RBFOX1: variants seen among roughly 807,000 people sequenced by gnomAD.
RBFOX1 encodes the protein RNA binding protein fox-1 homolog 1.
A neutral mutation model predicts 57.7 loss-of-function variants in RBFOX1; 8 were observed. That is an observed-to-expected ratio of 0.14 (90% CI 0.08 to 0.25). The LOEUF (loss-of-function observed/expected upper bound fraction) is 0.25, where lower values mean the gene tolerates loss of function less well. Ranked by LOEUF, RBFOX1 falls within the 10% of genes least tolerant of loss-of-function variation. The pLI is 1.00. For missense variants in RBFOX1, 611 were observed against 548.5 expected (o/e 1.11, Z -1.14); for synonymous variants, 326 against 222.4 (o/e 1.47, Z -4.15).
In RBFOX1 at chr16:6,106,283, C is replaced by T. The variant is rs945686231; in HGVS notation, c.-127+86291C>T. ...GACTACCCTGGCCAACATGGCAAAA[C>T]CCCATCTCTAGTAAAAATACAAAAA... On this transcript the variant is annotated intron_variant, in intron 1 of 15. Coordinates refer to ENST00000550418, the MANE Select transcript of RBFOX1 (RefSeq NM_018723.4). Among the ~76,000 whole-genome samples the T allele has an allele frequency of 3.7e-5, 5 of 136,500 alleles. 1 individual carries two copies. The highest frequency in any genetic ancestry group is 2.1e-4 in the East Asian group (1 of 4,860). The allele number at this position is 136,500 out of a possible 152,430, so 89.5% of individuals were successfully genotyped here. A position where few individuals can be genotyped will look rare whatever the true frequency, so the allele number is the denominator to read the frequency against.
intron 3 of RBFOX1, among the ~76,000 whole-genome samples, chr16:6,883,043 C>T (rs1166446618): frequency 1.3e-5 from 2 of 152,128 alleles, no homozygotes; most frequent in Non-Finnish European, 2.9e-5. Context: ...CATATGTCTC[C>T]TGACATTGCT....
intron 2 of RBFOX1, among the ~76,000 whole-genome samples, chr16:6,588,321 C>T (rs939653559): frequency 6.6e-6 from 1 of 151,796 alleles, no homozygotes; most frequent in Admixed American, 6.6e-5. Context: ...ATGCATCGCA[C>T]TTAGTTGTCC....
intron 2 of RBFOX1, among the ~76,000 whole-genome samples, chr16:6,323,848 C>T (rs2082075636): frequency 6.6e-6 from 1 of 152,038 alleles, no homozygotes; most frequent in Non-Finnish European, 1.5e-5. Context: ...TATCTGCTCA[C>T]TGCAACCTAC....
intron 4 of RBFOX1, among the ~76,000 whole-genome samples, chr16:7,378,499 C>G (rs192586440): frequency 5.3e-5 from 8 of 152,114 alleles, no homozygotes; most frequent in Admixed American, 3.3e-4. Context: ...TGTAACATTT[C>G]TGTCTTGGGT....
chr16:7,549,445 C>G (rs1020573613), intron 5 of RBFOX1, among the ~76,000 whole-genome samples: 14 of 152,048 alleles, frequency 9.2e-5, no homozygotes, highest in African/African-American at 2.9e-4. Context: ...AGGGACAGAA[C>G]TAATAGGATA....
chr16:7,672,133 G>A (rs2071661242), intron 13 of RBFOX1, among the ~76,000 whole-genome samples: 1 of 152,138 alleles, frequency 6.6e-6, no homozygotes, highest in Non-Finnish European at 1.5e-5. Context: ...GAGCTGATCA[G>A]AAATTTATTT....
chr16:6,003,646 T>A (rs1319288844), intron 4 of RBFOX1, among the ~76,000 whole-genome samples: 1 of 152,220 alleles, frequency 6.6e-6, no homozygotes, highest in Non-Finnish European at 1.5e-5. Flanking sequence ...TCTTTCCTAT[T>A]GGGATCCTGC....
At chr16:6,783,008 G>T (rs2081287020) in intron 3 of RBFOX1, among the ~76,000 whole-genome samples, 1 of 151,874 alleles carries the variant, frequency 6.6e-6, no homozygotes, top group Non-Finnish European at 1.5e-5. Flanking sequence ...TCTTTTTACA[G>T]ATTTTGTCTT....
rs34858401 is a variant in RBFOX1 at position 5,567,635 on chromosome 16, C to CAAAAAAAAAAAAAAA, written c.259-31258_259-31244dup. ...AGTGGGGGGGTATTCAGGTTATAGG[C>CAAAAAAAAAAAAAAA]AAAAAAAAAAAAAAAAAAAAAAAGC... On this transcript the variant is annotated intron_variant, in intron 2 of 2. Transcript: ENST00000585867. Among the ~76,000 whole-genome samples the CAAAAAAAAAAAAAAA allele has an allele frequency of 3.2e-5, 2 of 63,160 alleles. 1 individual carries two copies. 41.4% of individuals were successfully genotyped at this position (63,160 alleles called of 152,430 possible). A position where few individuals can be genotyped will look rare whatever the true frequency, so the allele number is the denominator to read the frequency against.
At chr16:6,212,531 C>G (rs901872222) in intron 1 of RBFOX1, among the ~76,000 whole-genome samples, 1 of 152,018 alleles carries the variant, frequency 6.6e-6, no homozygotes, top group Non-Finnish European at 1.5e-5. Flanking sequence ...TATGGTGAAA[C>G]CCTGTCTCTA....
intron 1 of RBFOX1, among the ~76,000 whole-genome samples, chr16:5,253,295 A>T (rs2062502362): frequency 6.6e-6 from 1 of 152,078 alleles, no homozygotes; most frequent in South Asian, 2.1e-4. Context: ...GACTAGAGGC[A>T]CCCACAACCA....
chr16:6,759,886 A>G (rs2076360672), intron 3 of RBFOX1, among the ~76,000 whole-genome samples: 1 of 152,214 alleles, frequency 6.6e-6, no homozygotes, highest in South Asian at 2.1e-4. Flanking sequence ...GATGAAATCA[A>G]GTATGGTATA....
intron 2 of RBFOX1, among the ~76,000 whole-genome samples, chr16:6,574,901 G>T (rs2097405222): frequency 6.6e-6 from 1 of 151,560 alleles, no homozygotes; most frequent in Non-Finnish European, 1.5e-5. Context: ...TGGCAGGCGT[G>T]GTGGCGGGCG....
intron 3 of RBFOX1, among the ~76,000 whole-genome samples, chr16:5,722,173 C>G (rs2051960911): frequency 1.3e-5 from 2 of 152,138 alleles, no homozygotes; most frequent in Admixed American, 6.5e-5. Flanking sequence ...AAATGAAAAT[C>G]AAGTTTGAAA....
chr16:6,747,454 G>GTCTGTCTC (rs1252328855), intron 3 of RBFOX1, among the ~76,000 whole-genome samples: 4 of 149,964 alleles, frequency 2.7e-5, no homozygotes, highest in African/African-American at 1.0e-4. Flanking sequence ...TAGTCTGTCT[G>GTCTGTCTC]TCTGTCTGTC....
intron 2 of RBFOX1, among the ~76,000 whole-genome samples, chr16:6,519,103 GCACAAAGTGGAAAGC>G (rs1288042841): frequency 9.2e-5 from 14 of 151,878 alleles, no homozygotes; most frequent in Non-Finnish European, 1.9e-4. Context: ...AAGTGGAAAG[GCACAAAGTGGAAAGC>G]TTGACTTGCC....
intron 4 of RBFOX1, among the ~76,000 whole-genome samples, chr16:5,972,325 G>T (rs940654162): frequency 3.3e-5 from 5 of 152,074 alleles, no homozygotes; most frequent in Non-Finnish European, 5.9e-5. Context: ...CATGGAAAAA[G>T]AATTCCGGAA....
chr16:6,281,995 G>A (rs1360290783), intron 1 of RBFOX1, among the ~76,000 whole-genome samples: 1 of 152,036 alleles, frequency 6.6e-6, no homozygotes, highest in African/African-American at 2.4e-5. Flanking sequence ...TTGTTATTGG[G>A]CAAAATAAAA....
At position 7,072,918 on chromosome 16, in the gene RBFOX1, T is replaced by C. The variant is rs532378552; in HGVS notation, c.27+20820T>C. Among the ~76,000 whole-genome samples, 5 of 152,322 alleles carry C rather than the reference T, an allele frequency of 3.3e-5. No homozygotes were observed. In the South Asian group the frequency reaches 1.0e-3, roughly 32 times the overall value. ...AGCTGGAATTTGTGGAACCGGTTGC[T>C]ACAGAAAGGACAGATCTGTGTGGGA... On this transcript the variant is annotated intron_variant, in intron 4 of 15. Transcript: ENST00000550418.
Sources: gnomAD v4.1 joint callset for allele counts (sites outside exome capture counted in the v4.1 genomes callset) on GRCh38, gnomAD v4.1.1 for gene constraint, MANE v1.5 for transcripts, NCBI Gene and HGNC (gene_info 2026-07-23, HGNC 2026-07-21) for gene names.